The following LYPD6B variants were observed in gnomAD, a reference collection of about 807,000 sequenced individuals.
LYPD6B encodes LY6/PLAUR domain containing 6B.
In LYPD6B, 17 loss-of-function variants were observed where a neutral mutation model predicts 22.8. The observed-to-expected ratio is 0.75, with a 90% confidence interval of 0.51 to 1.12. The LOEUF (loss-of-function observed/expected upper bound fraction) is 1.12. Among genes scored for constraint, LYPD6B ranks in the 50% most tolerant of loss-of-function variants. The pLI is 0.00. For missense variants in LYPD6B, 221 were observed against 258.3 expected (o/e 0.86, Z 0.99); for synonymous variants, 106 against 91.6 (o/e 1.16, Z -0.90).
At chr2:149,091,090 A>C (rs1685628048) in intron 1 of LYPD6B, among the ~76,000 whole-genome samples, 1 of 152,210 alleles carries the variant, frequency 6.6e-6, no homozygotes, top group African/African-American at 2.4e-5. Context: ...TTAAGATAGA[A>C]TGCAGTAGCA....
chr2:149,172,505 G>C (rs1055220512), intron 3 of LYPD6B, among the ~76,000 whole-genome samples: 1 of 152,166 alleles, frequency 6.6e-6, no homozygotes, highest in Non-Finnish European at 1.5e-5. Flanking sequence ...AGTTGATGCA[G>C]GATGAGATTA....
chr2:149,175,061 C>CTCTCTCTCTCTGTGTGTG (rs1454802925), intron 3 of LYPD6B, among the ~76,000 whole-genome samples: 54 of 113,062 alleles, frequency 4.8e-4, no homozygotes, highest in Admixed American at 9.8e-4. Context: ...CTCTCTCTCT[C>CTCTCTCTCTCTGTGTGTG]TGTGTGTGTG....
At chr2:149,047,220 T>G (rs1683349545) in intron 1 of LYPD6B, among the ~76,000 whole-genome samples, 1 of 152,116 alleles carries the variant, frequency 6.6e-6, no homozygotes, top group African/African-American at 2.4e-5. Flanking sequence ...TAACATTTGT[T>G]GTAGTGTAGG....
intron 2 of LYPD6B, among the ~76,000 whole-genome samples, chr2:149,140,552 A>G (rs1688630595): frequency 6.6e-6 from 1 of 152,066 alleles, no homozygotes; most frequent in Admixed American, 6.6e-5. Context: ...GCTAGATCCG[A>G]CTCACACCTG....
Position 149,130,917 on chromosome 2 carries a change from C to T in LYPD6B, c.-32C>T, listed in dbSNP as rs201844603. The T allele has an allele frequency of 2.5e-6, 4 of 1,590,874 alleles. No individual in the cohort carries two copies. Among genetic ancestry groups the T allele is most frequent in the African/African-American group, 2.7e-5 (2 of 74,560 alleles). On this transcript the variant is annotated 5_prime_UTR_variant, in exon 2 of 7. Transcript: ENST00000409642. The stretch of plus-strand genomic sequence containing the variant: ...ACTTCTGCCTGCTGTTGGCAACCCT[C>T]CTGGACTAGGCTGCTCTTGTTAATC...
intron 2 of LYPD6B, among the ~76,000 whole-genome samples, chr2:149,147,932 G>A (rs1380494967): frequency 6.6e-6 from 1 of 151,874 alleles, no homozygotes; most frequent in Non-Finnish European, 1.5e-5. Context: ...GTGTGTGTGT[G>A]TGTGTGTGTA....
chr2:149,139,351 T>C (rs1395870435), intron 2 of LYPD6B, among the ~76,000 whole-genome samples: 1 of 152,182 alleles, frequency 6.6e-6, no homozygotes, highest in African/African-American at 2.4e-5. Flanking sequence ...GGCCCCTTGG[T>C]AGCTTGATTA....
chr2:149,170,917 C>G (rs558868316), intron 3 of LYPD6B, among the ~76,000 whole-genome samples: 3 of 152,190 alleles, frequency 2.0e-5, no homozygotes, highest in Non-Finnish European at 4.4e-5. Flanking sequence ...TTATACAGAG[C>G]TTCTTGGGGC....
At chr2:149,106,391 A>G (rs993190148) in intron 1 of LYPD6B, among the ~76,000 whole-genome samples, 1 of 152,154 alleles carries the variant, frequency 6.6e-6, no homozygotes, top group Admixed American at 6.6e-5. Flanking sequence ...TTGCCAGTGA[A>G]GACATCTTGG....
At chr2:149,080,722 G>T (rs1255287977) in intron 1 of LYPD6B, among the ~76,000 whole-genome samples, 1 of 151,500 alleles carries the variant, frequency 6.6e-6, no homozygotes, top group Non-Finnish European at 1.5e-5. Context: ...TGCACCTGTA[G>T]TACCAGCTAC....
intron 3 of LYPD6B, among the ~76,000 whole-genome samples, chr2:149,193,799 C>A (rs1409522698): frequency 6.6e-6 from 1 of 151,912 alleles, no homozygotes; most frequent in Admixed American, 6.6e-5. Context: ...AGCATCATCA[C>A]ACAAATAGAG....
intron 1 of LYPD6B, among the ~76,000 whole-genome samples, chr2:149,096,177 T>C (rs1004388304): frequency 2.0e-5 from 3 of 148,270 alleles, no homozygotes; most frequent in African/African-American, 7.5e-5. Context: ...GATAAAGAGA[T>C]ACAGAAAGAG....
intron 1 of LYPD6B, among the ~76,000 whole-genome samples, chr2:149,075,370 T>C (rs1433235719): frequency 6.6e-6 from 1 of 152,190 alleles, no homozygotes; most frequent in Non-Finnish European, 1.5e-5. Flanking sequence ...TGGGTCTATA[T>C]GTTTATGGCT....
At chr2:149,192,523 G>T (rs2106069256) in intron 3 of LYPD6B, among the ~76,000 whole-genome samples, 1 of 151,812 alleles carries the variant, frequency 6.6e-6, no homozygotes, top group Non-Finnish European at 1.5e-5. Flanking sequence ...AAAGGTGGAG[G>T]AATGGCCTGG....
At chr2:149,045,866 A>G (rs776877223) in intron 1 of LYPD6B, among the ~76,000 whole-genome samples, 1 of 152,124 alleles carries the variant, frequency 6.6e-6, no homozygotes, top group Non-Finnish European at 1.5e-5. Context: ...GTATTCTGCT[A>G]TTGATGGGTG....
Position 149,188,864 on chromosome 2 carries a change from C to G in LYPD6B, c.78-16389C>G, listed in dbSNP as rs187896361. Reference sequence around the variant, plus strand: ...CTCACTCACTCGAGGTCATTGTTTTCTATTATTTTGTCATTTTCACAATGA... The same window carrying G: ...CTCACTCACTCGAGGTCATTGTTTTGTATTATTTTGTCATTTTCACAATGA... On this transcript the variant is annotated intron_variant, in intron 3 of 6. Coordinates refer to ENST00000409642, the MANE Select transcript of LYPD6B (RefSeq NM_177964.5). 2.3e-3 allele frequency: 365 copies of G among 160,534 alleles called. 3 individuals carry two copies. Among genetic ancestry groups the G allele is most frequent in the African/African-American group, 8.2e-3 (342 of 41,636 alleles). 9.9% of individuals were successfully genotyped at this position (160,534 alleles called of 1,614,324 possible).
chr2:149,158,679 C>T (rs10930474), intron 2 of LYPD6B, among the ~76,000 whole-genome samples: 45,758 of 152,132 alleles, frequency 0.3, 7,747 homozygotes, highest in East Asian at 0.55. Context: ...ATAAACTTTT[C>T]ATTATGCTCG....
At chr2:149,106,402 T>G (rs1160369328) in intron 1 of LYPD6B, among the ~76,000 whole-genome samples, 1 of 152,182 alleles carries the variant, frequency 6.6e-6, no homozygotes, top group Admixed American at 6.5e-5. Context: ...GACATCTTGG[T>G]CTGGTGTTTT....
At chr2:149,093,451 G>A (rs1027894925) in intron 1 of LYPD6B, among the ~76,000 whole-genome samples, 6 of 152,276 alleles carry the variant, frequency 3.9e-5, no homozygotes, top group African/African-American at 1.2e-4. Context: ...ATTCGAAAAG[G>A]AAGTAAGAGT....
Sources: gnomAD v4.1 joint callset for allele counts (sites outside exome capture counted in the v4.1 genomes callset) on GRCh38, gnomAD v4.1.1 for gene constraint, MANE v1.5 for transcripts, NCBI Gene and HGNC (gene_info 2026-07-23, HGNC 2026-07-21) for gene names.